CSPG5: variants seen among roughly 807,000 people sequenced by gnomAD.
CSPG5 encodes chondroitin sulfate proteoglycan 5, also known as acidic leucine-rich EGF-like domain-containing brain protein.
CSPG5 carries 25 observed loss-of-function variants against 39.8 expected under a neutral mutation model. The ratio of observed to expected loss-of-function variants is 0.63; its 90% CI spans 0.46 to 0.88. The LOEUF (loss-of-function observed/expected upper bound fraction) is 0.88, where lower values mean the gene tolerates loss of function less well. CSPG5 is among the 40% of genes least tolerant of loss of function. The pLI is 0.00. For missense variants in CSPG5, 627 were observed against 702.2 expected (o/e 0.89, Z 1.21); for synonymous variants, 295 against 303.9 (o/e 0.97, Z 0.31).
Position 47,577,976 on chromosome 3 carries a change from G to A in CSPG5, c.98-48C>T, listed in dbSNP as rs1377185195. 9 of 1,370,192 alleles carry A rather than the reference G, an allele frequency of 6.6e-6. No individual in the cohort carries two copies. The East Asian group carries it at 8.9e-5, about 14-fold the overall frequency. 84.9% of individuals were successfully genotyped at this position (1,370,192 alleles called of 1,614,324 possible). ...CGGGACGTCAGGGCGGCGCGCTGAG[G>A]AGCCCTGGAGCCCCGGCCCGCCCCG... On this transcript the variant is annotated intron_variant, in intron 1 of 4. Transcript: ENST00000264723. This position sits in a 1 kb window ranked among gnomAD's most constrained non-coding sequence, Gnocchi z 4.7.
chr3:47,569,495 C>G (rs1005451994), intron 3 of CSPG5, among the ~76,000 whole-genome samples: 1 of 151,516 alleles, frequency 6.6e-6, no homozygotes, highest in Non-Finnish European at 1.5e-5. Context: ...TCCCAGCTAC[C>G]TGGGAGGCTG....
Position 47,577,826 on chromosome 3 carries a change from G to T in CSPG5, c.200C>A (p.Ala67Glu). The T allele has an allele frequency of 6.4e-7, 1 of 1,568,066 alleles. No individual in the cohort carries two copies. The highest frequency in any genetic ancestry group is 8.6e-7 in the Non-Finnish European group (1 of 1,166,998). The change falls in exon 2 of 5, where the codon GCG (alanine) becomes GAG (glutamate). Residue 67 changes from alanine (A) to glutamate (E), a missense_variant. Ala to Glu is a moderately radical substitution (Grantham distance 107). Coordinates refer to ENST00000264723, the MANE Select transcript of CSPG5 (RefSeq NM_006574.4). The surrounding 1 kb of genome is among the most constrained non-coding windows in gnomAD (Gnocchi z 4.7). ...NDTREEAGPP[A>E]AGEDEASWTA... ...CCACGACGCCTCATCTTCCCCAGCC[G>T]CTGGTGGGCCGGCTTCTTCCCGCGT...
intron 3 of CSPG5, among the ~76,000 whole-genome samples, chr3:47,570,395 C>T (rs2031485104): frequency 6.6e-6 from 1 of 151,402 alleles, no homozygotes. Flanking sequence ...TGAGTCACAG[C>T]ATCCAGCCAA....
In CSPG5 at chr3:47,578,669, G is replaced by A; in HGVS notation, c.25C>T (p.Pro9Ser). 8.3e-6 allele frequency: 9 copies of A among 1,081,028 alleles called. No individual in the cohort carries two copies. The highest frequency in any genetic ancestry group is 1.0e-5 in the Non-Finnish European group (9 of 885,142). The allele number at this position is 1,081,028 out of a possible 1,614,324, so 67.0% of individuals were successfully genotyped here. A position where few individuals can be genotyped will look rare whatever the true frequency, so the allele number is the denominator to read the frequency against. ...AGCAGTGGCGGCGGCCCCCGGCCCG[G>A]GCCCCCGCCCCCGGCTCGCCCCATG... MGRAGGGGPGRGPPPLLLF... is the reference protein window; with the variant it reads MGRAGGGGSGRGPPPLLLF... Residue 9 changes from proline to serine, a missense_variant, in exon 1 of 5, where the codon CCG becomes TCG. Coordinates refer to ENST00000264723, the MANE Select transcript of CSPG5 (RefSeq NM_006574.4). This position sits in a 1 kb window ranked among gnomAD's most constrained non-coding sequence, Gnocchi z 6.0.
chr3:47,563,392 T>G (rs1381991530), intron 4 of CSPG5, among the ~76,000 whole-genome samples: 1 of 152,208 alleles, frequency 6.6e-6, no homozygotes, highest in Non-Finnish European at 1.5e-5. Context: ...TGACCCTGGC[T>G]GCCTCAATGG....
intron 2 of CSPG5, 91 bp downstream of exon 2, chr3:47,576,742 G>A (rs2031752789): frequency 2.1e-6 from 3 of 1,420,062 alleles, no homozygotes; most frequent in Non-Finnish European, 2.8e-6. Flanking sequence ...TTACAGGCGT[G>A]AGCCAACGCG....
Position 47,562,669 on chromosome 3 carries a change from G to A in CSPG5, c.1551C>T (p.Pro517=). 1 of 1,613,554 alleles carries A rather than the reference G, an allele frequency of 6.2e-7. No individual in the cohort carries two copies. Among genetic ancestry groups the A allele is most frequent in the Non-Finnish European group, 8.5e-7 (1 of 1,179,858 alleles). ...ESFNIQNSMS[P]KLEGGKGDQA... is the part of the protein sequence containing the mutation. Reference sequence around the variant, plus strand: ...GGTCACCTTTGCCACCCTCAAGTTTGGGCGACATGGAGTTCTGGATGTTAA... The same window carrying A: ...GGTCACCTTTGCCACCCTCAAGTTTAGGCGACATGGAGTTCTGGATGTTAA... The change falls in exon 5 of 5, where the codon CCC becomes CCT. Residue 517 remains proline (P), a synonymous_variant. Transcript: ENST00000264723.
In CSPG5 at chr3:47,578,598, C is replaced by A; in HGVS notation, c.96G>T (p.Pro32=). Residue 32 remains proline (P), a splice_region_variant and synonymous_variant, in exon 1 of 5, where the codon CCG becomes CCT. Transcript: ENST00000264723. This position sits in a 1 kb window ranked among gnomAD's most constrained non-coding sequence, Gnocchi z 6.0. ...GGTCCCGGGCGCAGTCATACCTACCCGGCACGGCCCCAGAGGCCAGGACCA... is the reference window on the plus strand; with the variant it reads ...GGTCCCGGGCGCAGTCATACCTACCAGGCACGGCCCCAGAGGCCAGGACCA... ...AALVLASGAV[P]AREAGSAVEA... is the part of the protein sequence containing the mutation. The A allele has an allele frequency of 8.7e-7, 1 of 1,147,802 alleles. No individual in the cohort carries two copies. Among genetic ancestry groups the A allele is most frequent in the Non-Finnish European group, 1.1e-6 (1 of 927,806 alleles). The allele number at this position is 1,147,802 out of a possible 1,614,324, so 71.1% of individuals were successfully genotyped here.
rs141635864 is a variant in CSPG5, at chr3:47,577,012, G to C, written c.1014C>G (p.Ala338=). The C allele has an allele frequency of 1.9e-6, 3 of 1,613,160 alleles. No homozygotes were observed. The African/African-American group carries it at 4.0e-5, about 22-fold the overall frequency. ...CTGGCTCTCCTGGGCGGGGCCTGAG[G>C]GCGATGCTGCTGCCGGGGACCGACC... is the stretch of plus-strand genomic sequence containing the variant. ...TLGSVPGSSI[A]LRPRPGEPGR... The change falls in exon 2 of 5, where the codon GCC becomes GCG. Residue 338 remains alanine (A), a synonymous_variant. Transcript: ENST00000264723. This position sits in a 1 kb window ranked among gnomAD's most constrained non-coding sequence, Gnocchi z 4.7.
intron 4 of CSPG5, among the ~76,000 whole-genome samples, chr3:47,567,304 C>T (rs1171868431): frequency 6.6e-6 from 1 of 152,136 alleles, no homozygotes; most frequent in Non-Finnish European, 1.5e-5. Context: ...TGAGAGCCCC[C>T]ATAGCCCACC....
At chr3:47,573,620 C>T (rs1340243301) in intron 2 of CSPG5, among the ~76,000 whole-genome samples, 2 of 152,136 alleles carry the variant, frequency 1.3e-5, no homozygotes, top group Non-Finnish European at 2.9e-5. Context: ...TTGCTGTTTC[C>T]ATGGGAACCA....
chr3:47,579,954 C>T (rs2031927715), upstream of CSPG5: 1 of 152,194 alleles, frequency 6.6e-6, no homozygotes, highest in Non-Finnish European at 1.5e-5. This position sits in a 1 kb window ranked among gnomAD's most constrained non-coding sequence, Gnocchi z 4.2. Flanking sequence ...AGAGACGGTC[C>T]CATTGCTGTC....
rs945003490 is a variant in CSPG5 at position 47,578,019 on chromosome 3, A to C, written c.98-91T>G. On this transcript the variant is annotated intron_variant, in intron 1 of 4. Coordinates refer to ENST00000264723, the MANE Select transcript of CSPG5 (RefSeq NM_006574.4). This position sits in a 1 kb window ranked among gnomAD's most constrained non-coding sequence, Gnocchi z 6.0. Reference sequence around the variant, plus strand: ...CCGCCCCGGTCAGGCCCGCTCGCCTAGACCTGGTCAACCCAGACCTCGCCA... The same window carrying C: ...CCGCCCCGGTCAGGCCCGCTCGCCTCGACCTGGTCAACCCAGACCTCGCCA... 5 of 1,343,508 alleles carry C rather than the reference A, an allele frequency of 3.7e-6. No individual in the cohort carries two copies. The African/African-American group carries it at 7.8e-5, about 21-fold the overall frequency. The allele number at this position is 1,343,508 out of a possible 1,614,324, so 83.2% of individuals were successfully genotyped here.
At chr3:47,571,095 T>TAA (rs138935167) in intron 3 of CSPG5, among the ~76,000 whole-genome samples, 45,411 of 142,916 alleles carry the variant, frequency 0.32, 7,380 homozygotes, top group East Asian at 0.47. Flanking sequence ...TCAATTAAAT[T>TAA]AAAAAAAAAA....
At chr3:47,565,799 C>T (rs1437840445) in intron 4 of CSPG5, among the ~76,000 whole-genome samples, 2 of 152,222 alleles carry the variant, frequency 1.3e-5, no homozygotes, top group Admixed American at 6.5e-5. Flanking sequence ...TCGACAGCAC[C>T]GTTGTGAGGA....
intron 4 of CSPG5, among the ~76,000 whole-genome samples, chr3:47,563,349 G>GTC (rs2031163802): frequency 6.6e-6 from 1 of 152,124 alleles, no homozygotes; most frequent in Non-Finnish European, 1.5e-5. Context: ...AAAGATGCTA[G>GTC]CTAAAAAGGT....
intron 4 of CSPG5, among the ~76,000 whole-genome samples, chr3:47,568,349 C>T (rs776443717): frequency 1.3e-5 from 2 of 152,146 alleles, no homozygotes; most frequent in African/African-American, 2.4e-5. Context: ...TCAGTCTAAT[C>T]CAGGCAATAC....
At chr3:47,568,035 T>A (rs2031380327) in intron 4 of CSPG5, among the ~76,000 whole-genome samples, 1 of 152,126 alleles carries the variant, frequency 6.6e-6, no homozygotes, top group Non-Finnish European at 1.5e-5. Flanking sequence ...ATAGAACACT[T>A]CCATTTCACA....
In CSPG5 at chr3:47,578,458, T is replaced by G. The variant is rs2031868864; in HGVS notation, c.97+139A>C. 10 of 200,452 alleles carry G rather than the reference T, an allele frequency of 5.0e-5. No individual in the cohort carries two copies. Among genetic ancestry groups the G allele is most frequent in the East Asian group, 1.1e-4 (1 of 9,096 alleles). The allele number at this position is 200,452 out of a possible 1,614,324, so 12.4% of individuals were successfully genotyped here. ...GGACCCCCACCACCTCCTGGGACCA[T>G]TCCGCCGCCCGGCCGCGGCCAGGCG... On this transcript the variant is annotated intron_variant, in intron 1 of 4. Coordinates refer to ENST00000264723, the MANE Select transcript of CSPG5 (RefSeq NM_006574.4). The surrounding 1 kb of genome is among the most constrained non-coding windows in gnomAD (Gnocchi z 6.0).
Sources: allele counts gnomAD v4.1 joint callset (sites outside exome capture counted in the v4.1 genomes callset), GRCh38; gene constraint gnomAD v4.1.1; non-coding constraint Gnocchi (gnomAD v3.1); transcripts MANE v1.5; gene names NCBI Gene and HGNC (gene_info 2026-07-23, HGNC 2026-07-21).